The following PRUNE2 variants were observed in gnomAD, a reference collection of about 807,000 sequenced individuals.
PRUNE2 encodes the protein protein prune homolog 2.
In PRUNE2, 164 loss-of-function variants were observed where a neutral mutation model predicts 252.0. The observed-to-expected ratio is 0.65, with a 90% confidence interval of 0.57 to 0.74. The LOEUF is 0.74. PRUNE2 is among the 30% of genes least tolerant of loss of function. PRUNE2 has a pLI of 0.00. For synonymous variants in PRUNE2, 1,292 were observed against 1,350.2 expected (o/e 0.96, Z 0.94); for missense variants, 3,495 against 3,711.0 (o/e 0.94, Z 1.51).
At chr9:76,809,099 C>T (rs1331497731) in intron 6 of PRUNE2, among the ~76,000 whole-genome samples, 1 of 152,160 alleles carries the variant, frequency 6.6e-6, no homozygotes, top group African/African-American at 2.4e-5. Context: ...ACGTGGCCAA[C>T]TTCTGCATGT....
intron 1 of PRUNE2, among the ~76,000 whole-genome samples, chr9:76,857,576 T>C (rs1371938408): frequency 6.6e-6 from 1 of 152,130 alleles, no homozygotes; most frequent in African/African-American, 2.4e-5. Context: ...TAAGATAGAA[T>C]TGCAGGGCAG....
chr9:76,760,854 G>A (rs972948268), intron 6 of PRUNE2, among the ~76,000 whole-genome samples: 1 of 152,138 alleles, frequency 6.6e-6, no homozygotes, highest in African/African-American at 2.4e-5. Context: ...GGGAGGTGGA[G>A]GTGGGTGGAT....
chr9:76,620,833 C>T (rs1248975682), intron 17 of PRUNE2, among the ~76,000 whole-genome samples: 1 of 152,174 alleles, frequency 6.6e-6, no homozygotes, highest in African/African-American at 2.4e-5. Context: ...TTGAGTAATC[C>T]TCCCAAGGAA....
chr9:76,829,953 G>T (rs2058575226), intron 4 of PRUNE2, among the ~76,000 whole-genome samples: 1 of 151,884 alleles, frequency 6.6e-6, no homozygotes, highest in Non-Finnish European at 1.5e-5. Flanking sequence ...AAACTCATGA[G>T]GAAAAGAATA....
At chr9:76,805,152 GGA>G (rs774847038) in intron 6 of PRUNE2, among the ~76,000 whole-genome samples, 1 of 152,162 alleles carries the variant, frequency 6.6e-6, no homozygotes, top group Non-Finnish European at 1.5e-5. Context: ...GACCACATGG[GGA>G]GAGAGGCCCA....
chr9:76,652,451 T>TTAAC, intron 11 of PRUNE2, 32 bp downstream of exon 11: 1 of 1,471,436 alleles, frequency 6.8e-7, no homozygotes, highest in Non-Finnish European at 9.5e-7. Flanking sequence ...TATTTAGCAT[T>TTAAC]TAACTTTGGC....
At chr9:76,797,794 G>A (rs1164295105) in intron 6 of PRUNE2, among the ~76,000 whole-genome samples, 1 of 152,004 alleles carries the variant, frequency 6.6e-6, no homozygotes, top group African/African-American at 2.4e-5. Flanking sequence ...AGGGGTTGAT[G>A]TATCCATCCG....
At chr9:76,849,204 T>G (rs1255917082) in intron 3 of PRUNE2, among the ~76,000 whole-genome samples, 1 of 152,152 alleles carries the variant, frequency 6.6e-6, no homozygotes, top group Non-Finnish European at 1.5e-5. Flanking sequence ...AGCCACCATG[T>G]CAAGCCTGCA....
intron 9 of PRUNE2, among the ~76,000 whole-genome samples, chr9:76,658,367 C>G (rs555388489): frequency 3.6e-4 from 55 of 152,198 alleles, no homozygotes; most frequent in African/African-American, 9.6e-4. Flanking sequence ...CCACTCCCCC[C>G]CAAAAAGAAG....
At chr9:76,712,607 G>C (rs2046823180) in intron 7 of PRUNE2, among the ~76,000 whole-genome samples, 1 of 152,314 alleles carries the variant, frequency 6.6e-6, no homozygotes, top group East Asian at 1.9e-4. Flanking sequence ...TTTGAAAAAG[G>C]GGTCTACTGC....
chr9:76,687,708 C>CG, intron 9 of PRUNE2: 2 of 294,798 alleles, frequency 6.8e-6, no homozygotes, highest in Admixed American at 3.8e-5. Flanking sequence ...GTGTTAGCCT[C>CG]GGGGGAGGCT....
intron 6 of PRUNE2, chr9:76,733,562 C>T (rs2048817509): frequency 6.6e-6 from 1 of 150,594 alleles, no homozygotes; most frequent in South Asian, 2.1e-4. Flanking sequence ...GCACGCCTGG[C>T]TAATTTTTTT....
At chr9:76,849,473 T>C (rs56326568) in intron 3 of PRUNE2, among the ~76,000 whole-genome samples, 2,639 of 152,232 alleles carry the variant, frequency 0.017, 80 homozygotes, top group African/African-American at 0.059. Context: ...TACACATGTT[T>C]GGCATCAATA....
chr9:76,706,619 A>G lies in PRUNE2; in HGVS notation c.5655T>C (p.Asn1885=), dbSNP rs763264753. 4 of 1,613,892 alleles carry G rather than the reference A, an allele frequency of 2.5e-6. No homozygotes were observed. Among genetic ancestry groups the G allele is most frequent in the Non-Finnish European group, 2.5e-6 (3 of 1,179,876 alleles). ...DIEPVETHYT[N]PFSDNHQSPF... ...GTGACTGATGGTTGTCACTAAAAGG[A>G]TTAGTATAGTGTGTTTCCACGGGCT... The change falls in exon 8 of 19, where the codon AAT becomes AAC. Residue 1885 remains asparagine (N), a synonymous_variant. Coordinates refer to ENST00000376718, the MANE Select transcript of PRUNE2 (RefSeq NM_015225.3).
chr9:76,747,698 C>T (rs2050249255), intron 6 of PRUNE2, among the ~76,000 whole-genome samples: 1 of 152,102 alleles, frequency 6.6e-6, no homozygotes, highest in Non-Finnish European at 1.5e-5. Flanking sequence ...GTTCTTTAAG[C>T]AGTACTGCTT....
chr9:76,643,364 C>T (rs1291690828), intron 12 of PRUNE2, among the ~76,000 whole-genome samples: 6 of 152,176 alleles, frequency 3.9e-5, no homozygotes, highest in Non-Finnish European at 7.4e-5. Flanking sequence ...ACTACTCTTA[C>T]AGGCAGCCTT....
intron 1 of PRUNE2, among the ~76,000 whole-genome samples, chr9:76,879,728 T>C (rs1340742220): frequency 1.3e-5 from 2 of 151,194 alleles, no homozygotes; most frequent in African/African-American, 4.9e-5. Context: ...TTGTTGCACA[T>C]TTGGAAGAGA....
chr9:76,804,304 G>A (rs2056779011), intron 6 of PRUNE2, among the ~76,000 whole-genome samples: 1 of 152,212 alleles, frequency 6.6e-6, no homozygotes, highest in Non-Finnish European at 1.5e-5. Context: ...GGCTTCGGTT[G>A]ACCGATTGAT....
At chr9:76,839,231 A>G (rs1435954244) in intron 4 of PRUNE2, among the ~76,000 whole-genome samples, 1 of 152,166 alleles carries the variant, frequency 6.6e-6, no homozygotes, top group Non-Finnish European at 1.5e-5. Context: ...TCCTTTTATG[A>G]CAGTGTTTAT....
Sources: allele counts gnomAD v4.1 joint callset (sites outside exome capture counted in the v4.1 genomes callset), GRCh38; gene constraint gnomAD v4.1.1; transcripts MANE v1.5; gene names NCBI Gene and HGNC (gene_info 2026-07-23, HGNC 2026-07-21).